Variants in PSIP1 observed in about 807,000 individuals in gnomAD.
PSIP1 encodes the protein PC4 and SFRS1-interacting protein.
PSIP1 carries 19 observed loss-of-function variants against 74.7 expected under a neutral mutation model. The ratio of observed to expected loss-of-function variants is 0.25; its 90% CI spans 0.18 to 0.37. PSIP1 has a LOEUF of 0.37. PSIP1 is among the 10% of genes least tolerant of loss of function. The pLI is 1.00. For synonymous variants in PSIP1, 222 were observed against 195.3 expected (o/e 1.14, Z -1.14); for missense variants, 601 against 614.3 (o/e 0.98, Z 0.23).
chr9:15,465,702 G>T, intron 15 of PSIP1, 122 bp from the exon 16 acceptor site: 3 of 728,660 alleles, frequency 4.1e-6, no homozygotes, highest in African/African-American at 1.8e-5. Flanking sequence ...CCAAACAAAA[G>T]AAAAACTTGA....
At chr9:15,483,642 TC>T (rs1199949199) in intron 6 of PSIP1, among the ~76,000 whole-genome samples, 1 of 152,162 alleles carries the variant, frequency 6.6e-6, no homozygotes, top group Non-Finnish European at 1.5e-5. Flanking sequence ...CCATGCCAAG[TC>T]CAGTAAAGTT....
At chr9:15,507,378 G>A (rs528700264) in intron 2 of PSIP1, among the ~76,000 whole-genome samples, 7 of 152,278 alleles carry the variant, frequency 4.6e-5, no homozygotes, top group Admixed American at 2.6e-4. Flanking sequence ...GGCCAGGCGC[G>A]GTGGCTCACA....
intron 6 of PSIP1, among the ~76,000 whole-genome samples, chr9:15,481,250 C>G (rs757120215): frequency 6.6e-6 from 1 of 152,192 alleles, no homozygotes; most frequent in Non-Finnish European, 1.5e-5. Context: ...AGCTTAAGAA[C>G]TCAAGACTGA....
intron 3 of PSIP1, among the ~76,000 whole-genome samples, chr9:15,500,530 A>G (rs778554923): frequency 9.2e-5 from 14 of 152,184 alleles, no homozygotes; most frequent in Non-Finnish European, 1.9e-4. Context: ...ATTTAAGAGA[A>G]ACCATACAAG....
rs930019805 is a variant in PSIP1 at position 15,464,502 on chromosome 9, C to CAAAGT, written c.*1013_*1017dup. 7 of 200,808 alleles carry CAAAGT rather than the reference C, an allele frequency of 3.5e-5. No homozygotes were observed. The highest frequency in any genetic ancestry group is 1.9e-4 in the South Asian group (1 of 5,232). 12.4% of individuals were successfully genotyped at this position (200,808 alleles called of 1,614,324 possible). A position where few individuals can be genotyped will look rare whatever the true frequency, so the allele number is the denominator to read the frequency against. On this transcript the variant is annotated 3_prime_UTR_variant, in exon 16 of 16. Transcript: ENST00000380733. ...CATACACGTCAATGTACAGACTTAT[C>CAAAGT]AAAGTACAATGCTGGAACAACTAGT...
chr9:15,503,557 G>A (rs1349546248), intron 3 of PSIP1, among the ~76,000 whole-genome samples: 1 of 151,512 alleles, frequency 6.6e-6, no homozygotes, highest in Admixed American at 6.6e-5. Flanking sequence ...AGCTACTTGG[G>A]AAGTTGAGAT....
At chr9:15,479,381 G>T (rs1241655849) in intron 7 of PSIP1, among the ~76,000 whole-genome samples, 1 of 151,970 alleles carries the variant, frequency 6.6e-6, no homozygotes, top group East Asian at 1.9e-4. Context: ...ACTATTTAGG[G>T]AAAACATAAC....
intron 3 of PSIP1, chr9:15,505,551 C>G (rs1281486151): frequency 6.6e-6 from 1 of 152,098 alleles, no homozygotes; most frequent in Non-Finnish European, 1.5e-5. Flanking sequence ...TGACACCATT[C>G]AAATAAAATG....
intron 3 of PSIP1, among the ~76,000 whole-genome samples, chr9:15,503,729 G>A (rs917934730): frequency 1.3e-4 from 19 of 151,708 alleles, no homozygotes; most frequent in Admixed American, 6.6e-4. Flanking sequence ...CAGAGACCTA[G>A]TTTCCAAAAA....
intron 8 of PSIP1, among the ~76,000 whole-genome samples, chr9:15,475,913 C>G (rs2036055461): frequency 6.6e-6 from 1 of 152,120 alleles, no homozygotes; most frequent in Non-Finnish European, 1.5e-5. Flanking sequence ...AAGACTAATG[C>G]AAACACAACC....
At chr9:15,467,898 A>G (rs1186403441) in intron 14 of PSIP1, among the ~76,000 whole-genome samples, 3 of 152,156 alleles carry the variant, frequency 2.0e-5, no homozygotes, top group Admixed American at 1.3e-4. Flanking sequence ...CGGCAGGTGG[A>G]TTACCATAGG....
intron 10 of PSIP1, chr9:15,471,541 G>A: frequency 1.0e-6 from 1 of 972,880 alleles, no homozygotes; most frequent in African/African-American, 1.8e-5. Context: ...GCTTTTCAGT[G>A]AAAAGATAGA....
At chr9:15,485,251 C>CT (rs1367369946) in intron 6 of PSIP1, among the ~76,000 whole-genome samples, 1 of 152,130 alleles carries the variant, frequency 6.6e-6, no homozygotes, top group Non-Finnish European at 1.5e-5. Context: ...ACTCAAGATG[C>CT]TTGAGTAGGA....
chr9:15,487,054 G>T (rs2036587426), intron 4 of PSIP1, 123 bp from the exon 5 acceptor site: 1 of 549,326 alleles, frequency 1.8e-6, no homozygotes, highest in Non-Finnish European at 2.9e-6. Flanking sequence ...GCTGGAGGCA[G>T]TGGCGCAATT....
intron 15 of PSIP1, among the ~76,000 whole-genome samples, chr9:15,466,527 G>A (rs1457370031): frequency 1.3e-5 from 2 of 152,168 alleles, no homozygotes. Flanking sequence ...TTTTAACTGG[G>A]TTCCCAGCTA....
intron 10 of PSIP1, chr9:15,472,340 G>C (rs1165775079): frequency 9.5e-6 from 11 of 1,163,418 alleles, no homozygotes; most frequent in Non-Finnish European, 1.2e-5. Flanking sequence ...ACAAACAAAT[G>C]GTTGAGGATG....
At chr9:15,490,682 CAAAAAAAAAA>C (rs869054621) in intron 3 of PSIP1, among the ~76,000 whole-genome samples, 1 of 57,318 alleles carries the variant, frequency 1.7e-5, no homozygotes, top group African/African-American at 5.9e-5. Context: ...GACTCTGTCT[CAAAAAAAAAA>C]AAAAAAAAAA....
chr9:15,504,998 G>A lies in PSIP1; in HGVS notation c.149+1563C>T, dbSNP rs367965314. On this transcript the variant is annotated intron_variant, in intron 3 of 15. Transcript: ENST00000380733. ...TTTTTTTGAGATGAGGTCTGCAGTG[G>A]TGAGATCTTGGCTCACTGCAACCTT... 5 of 148,982 alleles carry A rather than the reference G, an allele frequency of 3.4e-5. No individual in the cohort carries two copies. The East Asian group carries it at 7.8e-4, about 23-fold the overall frequency. The allele number at this position is 148,982 out of a possible 1,614,324, so 9.2% of individuals were successfully genotyped here. A position where few individuals can be genotyped will look rare whatever the true frequency, so the allele number is the denominator to read the frequency against.
chr9:15,485,600 C>CGTT (rs112458489), intron 6 of PSIP1, among the ~76,000 whole-genome samples: 2,091 of 152,240 alleles, frequency 0.014, 41 homozygotes, highest in African/African-American at 0.048. Context: ...TTTCTCACAA[C>CGTT]GTGAAGTAAC....
Sources: allele counts gnomAD v4.1 joint callset (sites outside exome capture counted in the v4.1 genomes callset), GRCh38; gene constraint gnomAD v4.1.1; transcripts MANE v1.5; gene names NCBI Gene and HGNC (gene_info 2026-07-23, HGNC 2026-07-21).